GPC5: variants seen among roughly 807,000 people sequenced by gnomAD.
GPC5 encodes the protein glypican 5.
Under a neutral mutation model 53.9 loss-of-function variants are expected in GPC5, and 47 were observed. The observed-to-expected ratio is 0.87, with a 90% confidence interval of 0.69 to 1.11. The LOEUF (loss-of-function observed/expected upper bound fraction) is 1.11. GPC5 is among the 50% of genes most tolerant of loss of function. The probability of loss-of-function intolerance (pLI) is 0.00; values close to 1 mark genes in which losing one functional copy is unlikely to be tolerated. For missense variants in GPC5, 748 were observed against 713.1 expected, an observed-to-expected ratio of 1.05 and a Z score of -0.56; for synonymous variants, 286 against 263.3, an observed-to-expected ratio of 1.09 and a Z score of -0.84.
intron 7 of GPC5, among the ~76,000 whole-genome samples, chr13:92,206,172 T>A (rs1406485994): frequency 8.8e-5 from 13 of 147,736 alleles, no homozygotes; most frequent in East Asian, 2.0e-4. Context: ...TTTTTATTTT[T>A]TTTTTTTTTT....
At chr13:91,556,503 T>C (rs2138869657) in intron 2 of GPC5, among the ~76,000 whole-genome samples, 1 of 151,082 alleles carries the variant, frequency 6.6e-6, no homozygotes, top group Admixed American at 6.6e-5. Context: ...AATGAGTGGA[T>C]AAAGAAATTG....
At chr13:91,464,818 AAC>A (rs995686570) in intron 2 of GPC5, among the ~76,000 whole-genome samples, 1 of 151,696 alleles carries the variant, frequency 6.6e-6, no homozygotes, top group Admixed American at 6.6e-5. Flanking sequence ...ACACACACAC[AAC>A]ACACACACAC....
At chr13:92,548,623 A>G (rs187634154) in intron 7 of GPC5, among the ~76,000 whole-genome samples, 27 of 152,170 alleles carry the variant, frequency 1.8e-4, no homozygotes, top group African/African-American at 6.5e-4. Context: ...AGCCAAATAT[A>G]TACAAATTTT....
chr13:92,159,740 C>T (rs1331500103), intron 7 of GPC5, among the ~76,000 whole-genome samples: 1 of 149,476 alleles, frequency 6.7e-6, no homozygotes, highest in Non-Finnish European at 1.5e-5. Context: ...GTAGCTGGGA[C>T]TACAGGCGCC....
chr13:92,634,845 C>G (rs1183136680), intron 7 of GPC5, among the ~76,000 whole-genome samples: 1 of 151,914 alleles, frequency 6.6e-6, no homozygotes, highest in Admixed American at 6.6e-5. Context: ...TCTAATGCAG[C>G]CTGTAGCATT....
intron 2 of GPC5, among the ~76,000 whole-genome samples, chr13:91,624,416 A>G (rs183314809): frequency 6.6e-6 from 1 of 152,290 alleles, no homozygotes; most frequent in African/African-American, 2.4e-5. Flanking sequence ...TGAAAGAACT[A>G]TTAAACCTCC....
chr13:92,390,273 TG>T (rs879727602), intron 7 of GPC5, among the ~76,000 whole-genome samples: 3 of 152,046 alleles, frequency 2.0e-5, no homozygotes, highest in Non-Finnish European at 4.4e-5. Context: ...GTTAGGAAAG[TG>T]AGTTATATGA....
At chr13:91,509,474 TTACTGTTTAAAAAGTCA>T (rs1231572877) in intron 2 of GPC5, among the ~76,000 whole-genome samples, 2 of 148,658 alleles carry the variant, frequency 1.3e-5, no homozygotes, top group Non-Finnish European at 3.0e-5. Context: ...ATGAAAAGTT[TTACTGTTTAAAAAGTCA>T]TGCTATAATA....
At chr13:92,482,919 G>T (rs778580666) in intron 7 of GPC5, among the ~76,000 whole-genome samples, 2 of 152,148 alleles carry the variant, frequency 1.3e-5, no homozygotes, top group Admixed American at 1.3e-4. Flanking sequence ...AAAGGAAAGA[G>T]GTTTAATGGA....
chr13:92,683,135 G>A (rs890407002), intron 7 of GPC5, among the ~76,000 whole-genome samples: 2 of 152,004 alleles, frequency 1.3e-5, no homozygotes, highest in African/African-American at 2.4e-5. Context: ...TAGAGATGGC[G>A]CTATTCCCAG....
intron 7 of GPC5, among the ~76,000 whole-genome samples, chr13:92,823,804 C>G (rs1490095317): frequency 1.3e-5 from 2 of 152,032 alleles, no homozygotes; most frequent in East Asian, 3.9e-4. Context: ...ACTTCCCAAC[C>G]CTGTTAAAAC....
At chr13:92,428,486 T>C (rs997283763) in intron 7 of GPC5, among the ~76,000 whole-genome samples, 2 of 152,094 alleles carry the variant, frequency 1.3e-5, no homozygotes, top group African/African-American at 2.4e-5. Context: ...ACACTAACAG[T>C]TCTCTTACTG....
intron 7 of GPC5, among the ~76,000 whole-genome samples, chr13:92,263,971 A>G (rs1223982094): frequency 6.6e-6 from 1 of 152,206 alleles, no homozygotes; most frequent in Non-Finnish European, 1.5e-5. Context: ...TCCACATTCA[A>G]AAGCATTTGG....
chr13:92,792,986 G>T (rs773315233), intron 7 of GPC5, among the ~76,000 whole-genome samples: 2 of 151,822 alleles, frequency 1.3e-5, no homozygotes, highest in Non-Finnish European at 2.9e-5. Flanking sequence ...CGAGACAGAA[G>T]GTTATCAAGG....
chr13:91,780,524 C>T (rs1312950372), intron 5 of GPC5, among the ~76,000 whole-genome samples: 1 of 152,074 alleles, frequency 6.6e-6, no homozygotes, highest in South Asian at 2.1e-4. Context: ...TACCTCTACC[C>T]TTCTATGAGC....
intron 7 of GPC5, among the ~76,000 whole-genome samples, chr13:92,507,108 C>G (rs12869290): frequency 7.4e-4 from 112 of 152,276 alleles, no homozygotes; most frequent in Non-Finnish European, 1.4e-3. Flanking sequence ...ATCATTTCTA[C>G]CCTTTCTTCT....
chr13:92,128,784 G>A (rs1312198506), intron 6 of GPC5, among the ~76,000 whole-genome samples: 2 of 152,112 alleles, frequency 1.3e-5, no homozygotes, highest in Non-Finnish European at 2.9e-5. Flanking sequence ...CCAACATGGT[G>A]AAACCCCATC....
chr13:92,849,594 G>A (rs1337202182), intron 7 of GPC5, among the ~76,000 whole-genome samples: 1 of 152,106 alleles, frequency 6.6e-6, no homozygotes, highest in African/African-American at 2.4e-5. Flanking sequence ...CCTTTCATAT[G>A]AGTGTTCACA....
At chr13:91,938,920 T>G (rs921166233) in intron 6 of GPC5, among the ~76,000 whole-genome samples, 2 of 152,112 alleles carry the variant, frequency 1.3e-5, no homozygotes, top group African/African-American at 4.8e-5. Context: ...AAGAATATCT[T>G]TATACTGAGT....
Sources: gnomAD v4.1 joint callset for allele counts (sites outside exome capture counted in the v4.1 genomes callset) on GRCh38, gnomAD v4.1.1 for gene constraint, MANE v1.5 for transcripts, NCBI Gene and HGNC (gene_info 2026-07-23, HGNC 2026-07-21) for gene names.